Variants in RNLS observed in about 807,000 individuals in gnomAD.
RNLS encodes the protein renalase, FAD dependent amine oxidase, also known as renalase.
In RNLS, 39 loss-of-function variants were observed where a neutral mutation model predicts 39.8. That is an observed-to-expected ratio of 0.98 (90% confidence interval 0.76 to 1.28). The LOEUF is 1.28. RNLS is among the 50% of genes most tolerant of loss of function. RNLS has a pLI of 0.00. For synonymous variants in RNLS, 147 were observed against 150.7 expected (o/e 0.98, Z 0.18); for missense variants, 410 against 413.3 (o/e 0.99, Z 0.07).
chr10:88,412,284 G>A (rs1046364706), intron 4 of RNLS, among the ~76,000 whole-genome samples: 3 of 152,102 alleles, frequency 2.0e-5, no homozygotes, highest in African/African-American at 7.2e-5. Context: ...CTATGTGCCA[G>A]GTACCAGGCT....
intron 5 of RNLS, among the ~76,000 whole-genome samples, chr10:88,332,174 T>C (rs1032430821): frequency 6.6e-6 from 1 of 152,256 alleles, no homozygotes; most frequent in African/African-American, 2.4e-5. Flanking sequence ...TTCTTATATA[T>C]AGGTTACAGC....
At chr10:88,389,835 C>T (rs996592169) in intron 4 of RNLS, among the ~76,000 whole-genome samples, 11 of 152,024 alleles carry the variant, frequency 7.2e-5, no homozygotes, top group Non-Finnish European at 1.6e-4. Context: ...CATGTAGTTG[C>T]TATAAAGGAA....
chr10:88,172,339 A>AT, the RNLS span, among the ~76,000 whole-genome samples: 3 of 151,846 alleles, frequency 2.0e-5, no homozygotes, highest in South Asian at 4.2e-4. Flanking sequence ...AGCATTTGAT[A>AT]TTTTTTTTGT....
chr10:88,517,477 A>C (rs1286502465), intron 4 of RNLS, among the ~76,000 whole-genome samples: 1 of 151,926 alleles, frequency 6.6e-6, no homozygotes, highest in Non-Finnish European at 1.5e-5. Context: ...TAATTTTTAC[A>C]ATATTGTCTC....
intron 4 of RNLS, among the ~76,000 whole-genome samples, chr10:88,539,079 A>C (rs1847916255): frequency 6.6e-6 from 1 of 152,168 alleles, no homozygotes; most frequent in Non-Finnish European, 1.5e-5. Flanking sequence ...CTGTTTCTAA[A>C]AGACTAAGGA....
At chr10:88,500,140 G>A (rs867249084) in intron 4 of RNLS, among the ~76,000 whole-genome samples, 1 of 152,030 alleles carries the variant, frequency 6.6e-6, no homozygotes, top group African/African-American at 2.4e-5. Context: ...TGCACCAAAC[G>A]GAAGTTCTGA....
At chr10:88,223,778 G>A in the RNLS span, among the ~76,000 whole-genome samples, 8 of 152,220 alleles carry the variant, frequency 5.3e-5, no homozygotes, top group African/African-American at 1.9e-4. Context: ...CACCTCTACC[G>A]TGACCTGAAA....
At chr10:88,301,309 T>A (rs1216620098) in intron 6 of RNLS, among the ~76,000 whole-genome samples, 1 of 152,230 alleles carries the variant, frequency 6.6e-6, no homozygotes, top group Non-Finnish European at 1.5e-5. Flanking sequence ...CACACATATG[T>A]ACTACCTCAT....
chr10:88,265,823 G>A, the RNLS span, among the ~76,000 whole-genome samples: 1 of 152,184 alleles, frequency 6.6e-6, no homozygotes, highest in African/African-American at 2.4e-5. Flanking sequence ...AATATTGCTT[G>A]TTATAACTGA....
In RNLS at chr10:88,572,233, C is replaced by A. The variant is rs147203480; in HGVS notation, c.526+670G>T. On this transcript the variant is annotated intron_variant, in intron 4 of 6. Transcript: ENST00000331772. The stretch of plus-strand genomic sequence containing the variant: ...CTTTGGGGAAAGATAGGAAATCAAA[C>A]CCTCTGCACATACTTTCCCCACCAC... 4.7e-3 allele frequency among the ~76,000 whole-genome samples: 696 copies of A among 147,750 alleles called. 15 individuals carry two copies. The highest frequency in any genetic ancestry group is 9.1e-3 in the East Asian group (46 of 5,068).
chr10:88,273,253 G>C (rs1842700857), downstream of RNLS, among the ~76,000 whole-genome samples: 1 of 152,164 alleles, frequency 6.6e-6, no homozygotes, highest in Non-Finnish European at 1.5e-5. Flanking sequence ...AGGCCAATTG[G>C]CTGCCTGACT....
the RNLS span, among the ~76,000 whole-genome samples, chr10:88,189,581 G>A: frequency 5.9e-5 from 9 of 152,256 alleles, no homozygotes; most frequent in South Asian, 6.2e-4. Flanking sequence ...TGCATGGGAC[G>A]CTTTCTTATG....
the RNLS span, among the ~76,000 whole-genome samples, chr10:88,253,308 C>T: frequency 2.0e-5 from 3 of 152,210 alleles, no homozygotes; most frequent in Non-Finnish European, 4.4e-5. Flanking sequence ...CAGTGACCAC[C>T]TGTCCTACCC....
chr10:88,533,502 GA>G (rs1847562463), intron 4 of RNLS, among the ~76,000 whole-genome samples: 1 of 152,146 alleles, frequency 6.6e-6, no homozygotes, highest in Non-Finnish European at 1.5e-5. Context: ...AAAGGGTTTT[GA>G]AGACCCAATT....
intron 4 of RNLS, among the ~76,000 whole-genome samples, chr10:88,478,823 TTAAC>T (rs1435733828): frequency 6.6e-6 from 1 of 152,178 alleles, no homozygotes; most frequent in Non-Finnish European, 1.5e-5. Context: ...TCACATAGCC[TTAAC>T]TAATTTACCT....
downstream of RNLS, chr10:88,283,982 C>T (rs554580343): frequency 1.1e-5 from 3 of 271,616 alleles, no homozygotes; most frequent in Non-Finnish European, 1.7e-5. Flanking sequence ...TAAATAAAGA[C>T]AAATGTTAGT....
the RNLS span, among the ~76,000 whole-genome samples, chr10:88,234,446 C>A: frequency 6.6e-6 from 1 of 152,198 alleles, no homozygotes; most frequent in East Asian, 1.9e-4. Context: ...AGGGAAGACA[C>A]CCTGGGAGGG....
intron 5 of RNLS, among the ~76,000 whole-genome samples, chr10:88,340,662 TAAAAG>T (rs1199193031): frequency 6.6e-6 from 1 of 151,970 alleles, no homozygotes; most frequent in African/African-American, 2.4e-5. Context: ...TTTGTAGAAA[TAAAAG>T]AAAAAAGGAA....
At chr10:88,549,461 G>A (rs1384289987) in intron 4 of RNLS, among the ~76,000 whole-genome samples, 2 of 152,076 alleles carry the variant, frequency 1.3e-5, no homozygotes, top group African/African-American at 2.4e-5. Context: ...AGCTACTCGG[G>A]AGGCTGAAGC....
Sources: allele counts gnomAD v4.1 joint callset (sites outside exome capture counted in the v4.1 genomes callset), GRCh38; gene constraint gnomAD v4.1.1; transcripts MANE v1.5; gene names NCBI Gene and HGNC (gene_info 2026-07-23, HGNC 2026-07-21).